Variants in GSE1 observed in about 807,000 individuals in gnomAD.
GSE1 encodes the protein Gse1 coiled-coil protein.
In GSE1, 32 loss-of-function variants were observed where a neutral mutation model predicts 112.6. The observed-to-expected ratio is 0.28, with a 90% confidence interval of 0.21 to 0.38. The LOEUF is 0.38. Ranked by LOEUF, GSE1 falls within the 10% of genes least tolerant of loss-of-function variation. The pLI is 1.00. For missense variants in GSE1, 2,348 were observed against 1,699.2 expected (o/e 1.38, Z -6.71); for synonymous variants, 1,115 against 735.6 (o/e 1.52, Z -8.35).
Position 85,666,340 on chromosome 16 carries a change from G to T in GSE1, c.3123G>T (p.Lys1041Asn), listed in dbSNP as rs761500559. ...AGTCCACCCAGAAGGCCCTGCAGAA[G>T]CATAAAGGTAATGAGGCTGCCAGTC... ...VLQSTQKALQ[K>N]HKGSVAVLSA... Residue 1041 changes from lysine to asparagine, a missense_variant, in exon 13 of 16, where the codon AAG becomes AAT. By Grantham distance (94) the Lys-to-Asn change is moderately conservative. Coordinates refer to ENST00000253458, the MANE Select transcript of GSE1 (RefSeq NM_014615.5). 1 of 1,613,692 alleles carries T rather than the reference G, an allele frequency of 6.2e-7. No individual in the cohort carries two copies. Among genetic ancestry groups the T allele is most frequent in the South Asian group, 1.1e-5 (1 of 91,078 alleles).
chr16:85,298,199 G>T (rs1239577808), intron 1 of GSE1, among the ~76,000 whole-genome samples: 2 of 152,182 alleles, frequency 1.3e-5, no homozygotes, highest in African/African-American at 4.8e-5. Flanking sequence ...GAGCTCCCTG[G>T]TGATGCAATG....
chr16:85,255,332 T>C (rs1057432252), intron 1 of GSE1, among the ~76,000 whole-genome samples: 3 of 152,058 alleles, frequency 2.0e-5, no homozygotes, highest in Admixed American at 1.3e-4. Flanking sequence ...GCCTTCTGGC[T>C]GTGTGGTCCA....
chr16:85,264,661 A>G (rs904479373), intron 1 of GSE1, among the ~76,000 whole-genome samples: 2 of 152,108 alleles, frequency 1.3e-5, no homozygotes, highest in South Asian at 4.1e-4. Context: ...TCGGGTGGGC[A>G]GTCCCTGGTG....
intron 1 of GSE1, among the ~76,000 whole-genome samples, chr16:85,262,214 C>T (rs975745460): frequency 8.5e-5 from 13 of 152,212 alleles, no homozygotes; most frequent in East Asian, 1.9e-4. Flanking sequence ...TTTAATTTAT[C>T]CCCCTTTCCT....
At chr16:85,470,178 G>C (rs1436685962) in intron 2 of GSE1, among the ~76,000 whole-genome samples, 1 of 152,256 alleles carries the variant, frequency 6.6e-6, no homozygotes, top group African/African-American at 2.4e-5. Flanking sequence ...CAGCTGGGCT[G>C]TTCATGCTGT....
chr16:85,657,389 C>G lies in GSE1; in HGVS notation c.1425C>G (p.Phe475Leu). 6.2e-7 allele frequency: 1 copy of G among 1,612,736 alleles called. No individual in the cohort carries two copies. The highest frequency in any genetic ancestry group is 8.5e-7 in the Non-Finnish European group (1 of 1,179,874). Residue 475 changes from phenylalanine (F) to leucine (L), a missense_variant, in exon 8 of 16, where the codon TTC becomes TTG. By Grantham distance (22) the Phe-to-Leu change is conservative. Transcript: ENST00000253458. The part of the protein sequence containing the change: ...VPSLISNHGI[F>L]SLPSSSAATA... Reference sequence around the variant, plus strand: ...GCCTCATCTCCAACCATGGCATCTTCTCTCTGCCTAGCAGCAGTGCTGCCA... The same window carrying G: ...GCCTCATCTCCAACCATGGCATCTTGTCTCTGCCTAGCAGCAGTGCTGCCA...
At chr16:85,371,049 G>A (rs1461266574) in intron 2 of GSE1, among the ~76,000 whole-genome samples, 8 of 152,162 alleles carry the variant, frequency 5.3e-5, no homozygotes, top group South Asian at 4.1e-4. Context: ...GGGAGTTTGC[G>A]CCCCACACTG....
intron 1 of GSE1, among the ~76,000 whole-genome samples, chr16:85,584,549 T>C (rs977081694): frequency 6.6e-6 from 1 of 152,212 alleles, no homozygotes; most frequent in Non-Finnish European, 1.5e-5. Context: ...TGCGAAGCAG[T>C]AGGATCGGGG....
intron 1 of GSE1, among the ~76,000 whole-genome samples, chr16:85,197,131 CA>C (rs781346493): frequency 2.6e-5 from 4 of 152,212 alleles, no homozygotes; most frequent in Non-Finnish European, 5.9e-5. Flanking sequence ...ACAGAGACAA[CA>C]AGACCTGGCC....
intron 2 of GSE1, among the ~76,000 whole-genome samples, chr16:85,420,389 G>A (rs1158389470): frequency 6.6e-6 from 1 of 152,128 alleles, no homozygotes; most frequent in Non-Finnish European, 1.5e-5. Context: ...GCAGTTTGTA[G>A]CTCTGGCAGC....
intron 2 of GSE1, among the ~76,000 whole-genome samples, chr16:85,648,253 G>A (rs1335087527): frequency 6.6e-6 from 1 of 152,198 alleles, no homozygotes. Flanking sequence ...GGCTCCTCCT[G>A]TCTGGTGGCG....
chr16:85,640,614 A>G (rs1005086850), intron 2 of GSE1, among the ~76,000 whole-genome samples: 1 of 152,196 alleles, frequency 6.6e-6, no homozygotes, highest in Non-Finnish European at 1.5e-5. Flanking sequence ...GGGACCACGG[A>G]GCAGGGACCA....
At position 85,654,943 on chromosome 16, in the gene GSE1, A is replaced by G; in HGVS notation, c.749A>G (p.Tyr250Cys). 2 of 1,608,366 alleles carry G rather than the reference A, an allele frequency of 1.2e-6. No individual in the cohort carries two copies. The highest frequency in any genetic ancestry group is 1.7e-6 in the Non-Finnish European group (2 of 1,178,798). Residue 250 changes from tyrosine (Y) to cysteine (C), a missense_variant, in exon 5 of 16, where the codon TAC becomes TGC. Tyr to Cys is a radical substitution (Grantham distance 194, BLOSUM62 -2). Coordinates refer to ENST00000253458, the MANE Select transcript of GSE1 (RefSeq NM_014615.5). The part of the protein sequence containing the change: ...GLDPATAAAY[Y>C]HPSYLAPHPF... Reference sequence around the variant, plus strand: ...GACCCGGCCACTGCTGCAGCCTACTACCACCCCAGCTACCTGGCCCCACAC... The same window carrying G: ...GACCCGGCCACTGCTGCAGCCTACTGCCACCCCAGCTACCTGGCCCCACAC...
intron 1 of GSE1, among the ~76,000 whole-genome samples, chr16:85,175,070 T>C (rs916206604): frequency 2.0e-5 from 3 of 152,040 alleles, no homozygotes; most frequent in Non-Finnish European, 4.4e-5. Flanking sequence ...TATTGTTCCC[T>C]ATGATGTGTT....
rs1404669281 is a variant in GSE1 at position 85,373,908 on chromosome 16, G to A, written c.2464+16265G>A. The stretch of plus-strand genomic sequence containing the variant: ...AGCGGCAGCCTCCAGGCACCCGCCC[G>A]GCCTCCCTCCCCGCTCCCCGCAGGC... On this transcript the variant is annotated intron_variant, in intron 2 of 2. Coordinates refer to the GSE1 transcript ENST00000637419. The surrounding 1 kb of genome is among the most constrained non-coding windows in gnomAD (Gnocchi z 5.1). Among the ~76,000 whole-genome samples the A allele has an allele frequency of 2.0e-5, 3 of 152,058 alleles. No homozygotes were observed. The highest frequency in any genetic ancestry group is 2.4e-5 in the African/African-American group (1 of 41,398).
In GSE1 at chr16:85,541,383, C is replaced by T. The variant is rs558148231; in HGVS notation, c.2465-92531C>T. ...CTGCCAGAGGCGGAGCCTGGGTACCCGGAGGAAGCCACACAGCAGCCACCT... is the reference window on the plus strand; with the variant it reads ...CTGCCAGAGGCGGAGCCTGGGTACCTGGAGGAAGCCACACAGCAGCCACCT... On this transcript the variant is annotated intron_variant, in intron 2 of 2. Coordinates refer to the GSE1 transcript ENST00000637419. Among the ~76,000 whole-genome samples, 23 of 152,360 alleles carry T rather than the reference C, an allele frequency of 1.5e-4. No homozygotes were observed. The East Asian group carries it at 4.2e-3, about 28-fold the overall frequency.
chr16:85,408,506 T>C (rs1350932382), intron 2 of GSE1, among the ~76,000 whole-genome samples: 4 of 50,506 alleles, frequency 7.9e-5, no homozygotes, highest in Non-Finnish European at 1.6e-4. Context: ...TAATCCTCAC[T>C]GTTACACTCA....
At chr16:85,428,654 G>C (rs2049047990) in intron 2 of GSE1, among the ~76,000 whole-genome samples, 1 of 152,150 alleles carries the variant, frequency 6.6e-6, no homozygotes, top group South Asian at 2.1e-4. Flanking sequence ...CCTCTGATGG[G>C]GACACCTGGC....
intron 1 of GSE1, among the ~76,000 whole-genome samples, chr16:85,347,589 G>A (rs867936376): frequency 1.4e-4 from 12 of 84,568 alleles, no homozygotes; most frequent in African/African-American, 4.6e-4. Context: ...TGCCCCACCC[G>A]CCCATCCCAC....
Sources: gnomAD v4.1 joint callset for allele counts (sites outside exome capture counted in the v4.1 genomes callset) on GRCh38, gnomAD v4.1.1 for gene constraint, Gnocchi (gnomAD v3.1) non-coding constraint, MANE v1.5 for transcripts, NCBI Gene and HGNC (gene_info 2026-07-23, HGNC 2026-07-21) for gene names.